Variants in CACNA2D3 observed in about 807,000 individuals in gnomAD.
CACNA2D3 encodes voltage-dependent calcium channel subunit alpha-2/delta-3.
Under a neutral mutation model 160.6 loss-of-function variants are expected in CACNA2D3, and 60 were observed. That is an observed-to-expected ratio of 0.37 (90% CI 0.30 to 0.46). The LOEUF (loss-of-function observed/expected upper bound fraction) is 0.46, where lower values mean the gene tolerates loss of function less well. CACNA2D3 is among the 20% of genes least tolerant of loss of function. The pLI, the probability that CACNA2D3 is intolerant of heterozygous loss-of-function variation, is 1.00. For missense variants in CACNA2D3, 1,205 were observed against 1,365.0 expected, an observed-to-expected ratio of 0.88 and a Z score of 1.85; for synonymous variants, 558 against 492.9, an observed-to-expected ratio of 1.13 and a Z score of -1.75.
intron 14 of CACNA2D3, among the ~76,000 whole-genome samples, chr3:54,832,023 A>G (rs1290887712): frequency 2.1e-5 from 3 of 143,916 alleles, no homozygotes; most frequent in African/African-American, 7.8e-5. Context: ...ACACACACAC[A>G]CACACACACA....
At chr3:54,158,902 C>T (rs1034714370) in intron 2 of CACNA2D3, among the ~76,000 whole-genome samples, 9 of 152,184 alleles carry the variant, frequency 5.9e-5, no homozygotes, top group Admixed American at 5.9e-4. Flanking sequence ...ACTCCCTGCC[C>T]TGCTGAAATT....
intron 31 of CACNA2D3, among the ~76,000 whole-genome samples, chr3:54,992,052 T>A (rs955531647): frequency 1.3e-5 from 2 of 152,190 alleles, no homozygotes; most frequent in African/African-American, 2.4e-5. Context: ...TTCATGGACC[T>A]GAACTCTCTT....
At chr3:54,210,388 A>C (rs1701351547) in intron 2 of CACNA2D3, among the ~76,000 whole-genome samples, 1 of 150,110 alleles carries the variant, frequency 6.7e-6, no homozygotes, top group South Asian at 2.1e-4. Context: ...GGAATTAGCA[A>C]ATCTATTTTA....
intron 3 of CACNA2D3, among the ~76,000 whole-genome samples, chr3:54,367,967 G>T (rs903189559): frequency 6.6e-6 from 1 of 152,170 alleles, no homozygotes; most frequent in African/African-American, 2.4e-5. Context: ...TATCAGCAAA[G>T]AAAAATGCGC....
intron 2 of CACNA2D3, among the ~76,000 whole-genome samples, chr3:54,238,763 A>C (rs1701927665): frequency 6.6e-6 from 1 of 152,214 alleles, no homozygotes; most frequent in African/African-American, 2.4e-5. Flanking sequence ...TTATCTCTCT[A>C]ATGCAGTTTA....
At chr3:54,730,941 T>A (rs905383761) in intron 11 of CACNA2D3, among the ~76,000 whole-genome samples, 1 of 152,222 alleles carries the variant, frequency 6.6e-6, no homozygotes, top group African/African-American at 2.4e-5. Context: ...ATTTTCTAAT[T>A]TGAAACTGTC....
At chr3:54,778,611 C>G (rs1481588449) in intron 13 of CACNA2D3, among the ~76,000 whole-genome samples, 2 of 152,176 alleles carry the variant, frequency 1.3e-5, no homozygotes, top group Admixed American at 1.3e-4. Context: ...TCCAAATAAA[C>G]TTTTTGCCAC....
chr3:54,656,815 G>C (rs563222274), intron 11 of CACNA2D3, among the ~76,000 whole-genome samples: 91 of 152,186 alleles, frequency 6.0e-4, no homozygotes, highest in Non-Finnish European at 1.2e-3. Context: ...CCCTTCCCCA[G>C]TTAGAATTGG....
intron 5 of CACNA2D3, among the ~76,000 whole-genome samples, chr3:54,533,943 G>T (rs1214240200): frequency 6.6e-6 from 1 of 152,134 alleles, no homozygotes; most frequent in East Asian, 1.9e-4. Context: ...AATTTTCTGT[G>T]CATTTGTGAA....
At position 54,765,417 on chromosome 3, in the gene CACNA2D3, A is replaced by C. The variant is rs373967688; in HGVS notation, c.1380+1066A>C. The stretch of plus-strand genomic sequence containing the variant: ...TTGAATAAAGATGAATGTTGAGCTG[A>C]AAAGGCTTCTCCGATGCTAGGGAGA... On this transcript the variant is annotated intron_variant, in intron 13 of 37. Transcript: ENST00000474759. 7.2e-5 allele frequency among the ~76,000 whole-genome samples: 11 copies of C among 152,326 alleles called. No individual in the cohort carries two copies. In the East Asian group the frequency reaches 2.1e-3, roughly 29 times the overall value.
At chr3:54,176,516 T>G (rs2107317832) in intron 2 of CACNA2D3, among the ~76,000 whole-genome samples, 1 of 152,334 alleles carries the variant, frequency 6.6e-6, no homozygotes, top group South Asian at 2.1e-4. Context: ...TCACGTGTGC[T>G]CCTACTAAAG....
intron 2 of CACNA2D3, among the ~76,000 whole-genome samples, chr3:54,285,988 G>A (rs200333512): frequency 0.22 from 32,928 of 152,022 alleles, 3,679 homozygotes; most frequent in East Asian, 0.31. Context: ...AAAAAACAGA[G>A]CAGAAAAACT....
chr3:54,819,613 G>A (rs777661990), intron 14 of CACNA2D3, among the ~76,000 whole-genome samples: 4 of 152,282 alleles, frequency 2.6e-5, no homozygotes, highest in South Asian at 2.1e-4. Context: ...TTGGGAGGCC[G>A]AGGCAGGTGG....
At chr3:54,989,513 T>C (rs1004393903) in intron 31 of CACNA2D3, among the ~76,000 whole-genome samples, 33 of 152,156 alleles carry the variant, frequency 2.2e-4, no homozygotes, top group Admixed American at 1.6e-3. Context: ...CAGTAGAGCA[T>C]TGAGAGTTTG....
intron 27 of CACNA2D3, among the ~76,000 whole-genome samples, chr3:54,962,571 C>G (rs1702055866): frequency 1.3e-5 from 2 of 152,180 alleles, no homozygotes; most frequent in Non-Finnish European, 2.9e-5. Context: ...AAATTCTGTT[C>G]AGAAGCCAGA....
intron 2 of CACNA2D3, among the ~76,000 whole-genome samples, chr3:54,211,966 A>G (rs1196986704): frequency 2.6e-5 from 4 of 152,196 alleles, no homozygotes; most frequent in Non-Finnish European, 5.9e-5. Context: ...TTTAGCTAGT[A>G]AGACTGCAGA....
intron 27 of CACNA2D3, among the ~76,000 whole-genome samples, chr3:54,905,684 G>A (rs1700435879): frequency 6.6e-6 from 1 of 152,194 alleles, no homozygotes. Context: ...CTACTGGTTA[G>A]GAGGATGCTA....
At chr3:54,187,007 G>A (rs1038161431) in intron 2 of CACNA2D3, among the ~76,000 whole-genome samples, 2 of 152,200 alleles carry the variant, frequency 1.3e-5, no homozygotes, top group Non-Finnish European at 2.9e-5. Flanking sequence ...AAGAGACACT[G>A]TGACCACTTT....
chr3:54,597,939 G>A (rs190492684), intron 9 of CACNA2D3, among the ~76,000 whole-genome samples: 29 of 152,118 alleles, frequency 1.9e-4, no homozygotes, highest in Middle Eastern at 6.8e-3. Flanking sequence ...GTGGGCACTG[G>A]TTGTGTCACA....
Sources: allele counts gnomAD v4.1 joint callset (sites outside exome capture counted in the v4.1 genomes callset), GRCh38; gene constraint gnomAD v4.1.1; transcripts MANE v1.5; gene names NCBI Gene and HGNC (gene_info 2026-07-23, HGNC 2026-07-21).